PPP1R12B: variants seen among roughly 807,000 people sequenced by gnomAD.
PPP1R12B encodes myosin phosphatase target subunit 2.
In PPP1R12B, 76 loss-of-function variants were observed where a neutral mutation model predicts 126.1. The observed-to-expected ratio is 0.60, with a 90% CI of 0.50 to 0.73. PPP1R12B has a LOEUF of 0.73. Among genes scored for constraint, PPP1R12B ranks in the 30% least tolerant of loss-of-function variants. The pLI, the probability that PPP1R12B is intolerant of heterozygous loss-of-function variation, is 0.00. For missense variants in PPP1R12B, 1,052 were observed against 1,205.1 expected (o/e 0.87, Z 1.88); for synonymous variants, 356 against 434.7 (o/e 0.82, Z 2.25).
intron 13 of PPP1R12B, among the ~76,000 whole-genome samples, chr1:202,475,888 A>G (rs753967046): frequency 4.0e-5 from 6 of 151,684 alleles, no homozygotes; most frequent in Non-Finnish European, 7.4e-5. Flanking sequence ...ACTTTTGTCG[A>G]TGTAATCTTA....
At chr1:202,476,109 C>T (rs1202582116) in intron 13 of PPP1R12B, among the ~76,000 whole-genome samples, 6 of 149,266 alleles carry the variant, frequency 4.0e-5, no homozygotes, top group Admixed American at 6.7e-5. Flanking sequence ...GAGGCTGAGG[C>T]GGGAGGATTG....
intron 1 of PPP1R12B, among the ~76,000 whole-genome samples, chr1:202,367,467 A>G (rs1392736139): frequency 2.6e-5 from 4 of 152,114 alleles, no homozygotes; most frequent in Admixed American, 1.3e-4. Context: ...CTGATCCCCC[A>G]TTAGCTCTCA....
intron 21 of PPP1R12B, 23 bp from the exon 22 acceptor site, chr1:202,567,755 T>G: frequency 6.2e-7 from 1 of 1,613,294 alleles, no homozygotes; most frequent in South Asian, 1.1e-5. Context: ...AAATAACAAC[T>G]GTTTTCCTTC....
chr1:202,398,731 G>A (rs919430676), intron 1 of PPP1R12B, among the ~76,000 whole-genome samples: 5 of 152,170 alleles, frequency 3.3e-5, no homozygotes, highest in Non-Finnish European at 7.3e-5. Context: ...GTTGAGAGTG[G>A]CAAGGGTAAT....
At chr1:202,418,577 C>T (rs1357361043) in intron 2 of PPP1R12B, among the ~76,000 whole-genome samples, 1 of 151,930 alleles carries the variant, frequency 6.6e-6, no homozygotes, top group Non-Finnish European at 1.5e-5. Context: ...ACAAATATTA[C>T]CTTGAATGAA....
chr1:202,579,860 TG>T (rs1470835251), intron 23 of PPP1R12B, among the ~76,000 whole-genome samples: 1 of 152,200 alleles, frequency 6.6e-6, no homozygotes, highest in Non-Finnish European at 1.5e-5. Context: ...GTAAGTTTTC[TG>T]AGTTTTAATT....
chr1:202,560,313 A>G (rs1169420850), intron 19 of PPP1R12B, among the ~76,000 whole-genome samples: 1 of 152,196 alleles, frequency 6.6e-6, no homozygotes, highest in Non-Finnish European at 1.5e-5. Flanking sequence ...GCAAGAAAGA[A>G]TTCAGGGAGA....
intron 1 of PPP1R12B, among the ~76,000 whole-genome samples, chr1:202,367,538 A>G (rs528987187): frequency 7.2e-5 from 11 of 152,134 alleles, no homozygotes; most frequent in African/African-American, 2.4e-4. Context: ...TTGTTTCTCA[A>G]AAACTCCAGT....
At chr1:202,554,120 A>C (rs946164055) in intron 18 of PPP1R12B, among the ~76,000 whole-genome samples, 5 of 152,268 alleles carry the variant, frequency 3.3e-5, no homozygotes, top group Admixed American at 3.3e-4. Context: ...GTGTTTTTTC[A>C]TCAAACCCCG....
chr1:202,375,411 T>C (rs772917539), intron 1 of PPP1R12B, among the ~76,000 whole-genome samples: 2 of 152,226 alleles, frequency 1.3e-5, no homozygotes, highest in Non-Finnish European at 2.9e-5. Context: ...TTCTCAATTA[T>C]GTCATTTTCT....
At chr1:202,356,482 A>G (rs1457214308) in intron 1 of PPP1R12B, among the ~76,000 whole-genome samples, 1 of 152,192 alleles carries the variant, frequency 6.6e-6, no homozygotes, top group African/African-American at 2.4e-5. Context: ...TAATCCCCAG[A>G]ACATGTAAAT....
intron 13 of PPP1R12B, among the ~76,000 whole-genome samples, chr1:202,486,088 C>T (rs1678080698): frequency 6.6e-6 from 1 of 152,100 alleles, no homozygotes; most frequent in Admixed American, 6.6e-5. Context: ...TGCCATGTTG[C>T]CCAGGCTAGT....
intron 1 of PPP1R12B, among the ~76,000 whole-genome samples, chr1:202,406,524 A>G (rs761979237): frequency 1.3e-5 from 2 of 152,216 alleles, no homozygotes; most frequent in Non-Finnish European, 2.9e-5. Flanking sequence ...TAGTTTCTTG[A>G]CCCTGGCCAT....
Position 202,592,231 on chromosome 1 carries a change from G to A in PPP1R12B, c.*11671G>A, listed in dbSNP as rs566668329. The A allele has an allele frequency of 6.5e-6, 1 of 152,894 alleles. No individual in the cohort carries two copies. The highest frequency in any genetic ancestry group is 2.1e-4 in the South Asian group (1 of 4,832). 9.5% of individuals were successfully genotyped at this position (152,894 alleles called of 1,614,324 possible). On this transcript the variant is annotated 3_prime_UTR_variant, in exon 24 of 24. Transcript: ENST00000608999. ...TACTGGGATGCCAGATACCAGGCTG[G>A]ACACTGCACCGGGCCCTGAGGTTTG... is the stretch of plus-strand genomic sequence containing the variant.
chr1:202,457,593 C>A (rs1048964797), intron 13 of PPP1R12B, among the ~76,000 whole-genome samples: 2 of 151,246 alleles, frequency 1.3e-5, no homozygotes, highest in African/African-American at 4.9e-5. Flanking sequence ...TTTTTTCTAC[C>A]CTTGAGGATA....
chr1:202,358,819 T>C (rs1173702568), intron 1 of PPP1R12B, among the ~76,000 whole-genome samples: 1 of 152,236 alleles, frequency 6.6e-6, no homozygotes, highest in African/African-American at 2.4e-5. Flanking sequence ...TTATATTTAG[T>C]ATACTTAAAT....
At chr1:202,490,823 T>A (rs1678765942) in intron 14 of PPP1R12B, among the ~76,000 whole-genome samples, 1 of 152,232 alleles carries the variant, frequency 6.6e-6, no homozygotes, top group African/African-American at 2.4e-5. Context: ...GATGAATATT[T>A]CAGCCTTTTA....
chr1:202,367,764 A>G (rs904113566), intron 1 of PPP1R12B, among the ~76,000 whole-genome samples: 3 of 152,144 alleles, frequency 2.0e-5, no homozygotes, highest in Admixed American at 6.6e-5. Context: ...ACTTAAATCT[A>G]CAGTTTGATG....
intron 18 of PPP1R12B, among the ~76,000 whole-genome samples, chr1:202,545,366 C>G (rs1289466547): frequency 2.0e-5 from 3 of 152,206 alleles, no homozygotes; most frequent in Non-Finnish European, 4.4e-5. Context: ...AACTCATGTC[C>G]TACGTAGAGC....
Sources: allele counts gnomAD v4.1 joint callset (sites outside exome capture counted in the v4.1 genomes callset), GRCh38; gene constraint gnomAD v4.1.1; transcripts MANE v1.5; gene names NCBI Gene and HGNC (gene_info 2026-07-23, HGNC 2026-07-21).